KIF13A: variants seen among roughly 807,000 people sequenced by gnomAD.
The protein encoded by KIF13A is kinesin-like protein KIF13A.
A neutral mutation model predicts 212.2 loss-of-function variants in KIF13A; 79 were observed. The ratio of observed to expected loss-of-function variants is 0.37; its 90% CI spans 0.31 to 0.45. KIF13A has a LOEUF of 0.45. Ranked by LOEUF, KIF13A falls within the 20% of genes least tolerant of loss-of-function variation. The probability of loss-of-function intolerance (pLI) is 1.00; values close to 1 mark genes in which losing one functional copy is unlikely to be tolerated. For missense variants in KIF13A, 1,901 were observed against 2,209.0 expected, an observed-to-expected ratio of 0.86 and a Z score of 2.79; for synonymous variants, 789 against 808.6, an observed-to-expected ratio of 0.98 and a Z score of 0.41.
At position 17,828,912 on chromosome 6, in the gene KIF13A, A is replaced by G. The variant is rs1284860380; in HGVS notation, c.1402-542T>C. ...AATTTCTAATACTGATATTACATAC[A>G]GTATTAATGCCTGTGGGTCATACCA... On this transcript the variant is annotated intron_variant, in intron 13 of 38. Coordinates refer to ENST00000259711, the MANE Select transcript of KIF13A (RefSeq NM_022113.6). This position sits in a 1 kb window ranked among gnomAD's most constrained non-coding sequence, Gnocchi z 4.3. 2.0e-5 allele frequency among the ~76,000 whole-genome samples: 3 copies of G among 152,092 alleles called. No homozygotes were observed. Among genetic ancestry groups the G allele is most frequent in the Admixed American group, 6.5e-5 (1 of 15,268 alleles).
intron 2 of KIF13A, among the ~76,000 whole-genome samples, chr6:17,976,548 C>T (rs1254724465): frequency 6.6e-6 from 1 of 152,182 alleles, no homozygotes; most frequent in African/African-American, 2.4e-5. Flanking sequence ...CGCGCAGCCC[C>T]GGTTCCCGCT....
chr6:17,962,456 A>G (rs1367394191), intron 2 of KIF13A, among the ~76,000 whole-genome samples: 1 of 152,168 alleles, frequency 6.6e-6, no homozygotes, highest in Admixed American at 6.5e-5. Context: ...CGAGGAGAAA[A>G]TTTGTGCAGG....
At chr6:17,956,290 T>C (rs1186558154) in intron 2 of KIF13A, among the ~76,000 whole-genome samples, 1 of 152,208 alleles carries the variant, frequency 6.6e-6, no homozygotes, top group Admixed American at 6.5e-5. Flanking sequence ...CTTTAACTAC[T>C]GCTCTGTTAT....
chr6:17,922,608 TAAAAA>T (rs11285603), intron 2 of KIF13A, among the ~76,000 whole-genome samples: 2 of 145,224 alleles, frequency 1.4e-5, no homozygotes, highest in Admixed American at 6.9e-5. Context: ...ATGAAAAACT[TAAAAA>T]AAAAAAAAAA....
At chr6:17,893,586 C>T (rs1772261755) in intron 3 of KIF13A, among the ~76,000 whole-genome samples, 1 of 151,996 alleles carries the variant, frequency 6.6e-6, no homozygotes, top group African/African-American at 2.4e-5. Flanking sequence ...TCTTTTCTTG[C>T]TTAACTGCAC....
chr6:17,889,256 A>C (rs982588721), intron 3 of KIF13A, among the ~76,000 whole-genome samples: 4 of 152,248 alleles, frequency 2.6e-5, no homozygotes, highest in African/African-American at 9.6e-5. Context: ...CAAATGACTC[A>C]GTTTCAAAAA....
At chr6:17,775,961 A>C (rs1483382483) in intron 34 of KIF13A, among the ~76,000 whole-genome samples, 1 of 151,954 alleles carries the variant, frequency 6.6e-6, no homozygotes, top group Non-Finnish European at 1.5e-5. Flanking sequence ...GGCGCACCGC[A>C]ATCTCCTCCT....
At chr6:17,903,064 A>ATATT (rs1773185461) in intron 2 of KIF13A, among the ~76,000 whole-genome samples, 1 of 152,254 alleles carries the variant, frequency 6.6e-6, no homozygotes, top group East Asian at 1.9e-4. Context: ...ATTTCTGATA[A>ATATT]CTTACTTAAA....
chr6:17,947,276 A>G lies in KIF13A; in HGVS notation c.146+39778T>C, dbSNP rs1777486165. Among the ~76,000 whole-genome samples the G allele has an allele frequency of 6.6e-6, 1 of 152,114 alleles. No individual in the cohort carries two copies. Among genetic ancestry groups the G allele is most frequent in the Non-Finnish European group, 1.5e-5 (1 of 68,024 alleles). On this transcript the variant is annotated intron_variant, in intron 2 of 38. Coordinates refer to ENST00000259711, the MANE Select transcript of KIF13A (RefSeq NM_022113.6). The surrounding 1 kb of genome is among the most constrained non-coding windows in gnomAD (Gnocchi z 4.6). ...TTGGGTGGTGATACAAGGTACTTAC[A>G]TTTTTTTCTTAACTGTTGAAACCAA...
In KIF13A at chr6:17,811,741, T is replaced by C. The variant is rs1763438143; in HGVS notation, c.2001-2811A>G. 6.6e-6 allele frequency among the ~76,000 whole-genome samples: 1 copy of C among 152,214 alleles called. No homozygotes were observed. The highest frequency in any genetic ancestry group is 1.5e-5 in the Non-Finnish European group (1 of 68,036). On this transcript the variant is annotated intron_variant, in intron 17 of 38. Transcript: ENST00000259711. This position sits in a 1 kb window ranked among gnomAD's most constrained non-coding sequence, Gnocchi z 6.0. ...TTTTATCCAGTGAAACCTGACAAAA[T>C]CAATAATGCAACTATTCTTGTCTTT...
chr6:17,926,683 C>T lies in KIF13A; in HGVS notation c.147-28503G>A, dbSNP rs574708989. Among the ~76,000 whole-genome samples, 4 of 152,104 alleles carry T rather than the reference C, an allele frequency of 2.6e-5. No individual in the cohort carries two copies. The South Asian group carries it at 6.2e-4, about 24-fold the overall frequency. On this transcript the variant is annotated intron_variant, in intron 2 of 38. Transcript: ENST00000259711. This position sits in a 1 kb window ranked among gnomAD's most constrained non-coding sequence, Gnocchi z 4.3. Reference sequence around the variant, plus strand: ...AGAAGGAGACTGAAATTTTCTTTGACGTAAAAATTACTTATAATCTCAGAG... The same window carrying T: ...AGAAGGAGACTGAAATTTTCTTTGATGTAAAAATTACTTATAATCTCAGAG...
intron 2 of KIF13A, among the ~76,000 whole-genome samples, chr6:17,910,185 T>C (rs924681160): frequency 1.3e-5 from 2 of 152,206 alleles, no homozygotes; most frequent in Non-Finnish European, 1.5e-5. Context: ...TATTTAAAAA[T>C]AGATCCAACA....
chr6:17,968,627 G>C lies in KIF13A; in HGVS notation c.146+18427C>G, dbSNP rs2150602830. ...GTTGTGCAGTGAACATTAAAAATGT[G>C]AACTTTGTCAAAGACTGGTGACCTC... On this transcript the variant is annotated intron_variant, in intron 2 of 38. Transcript: ENST00000259711. The surrounding 1 kb of genome is among the most constrained non-coding windows in gnomAD (Gnocchi z 4.7). 6.6e-6 allele frequency among the ~76,000 whole-genome samples: 1 copy of C among 152,308 alleles called. No homozygotes were observed. Among genetic ancestry groups the C allele is most frequent in the East Asian group, 1.9e-4 (1 of 5,178 alleles).
Position 17,794,809 on chromosome 6 carries a change from G to T in KIF13A, c.2943-105C>A. ...GAGCACTTACTATGTGCTAGGCACT[G>T]TGCCATTTATCTTGTATAAGTTACT... On this transcript the variant is annotated intron_variant, in intron 23 of 38. Transcript: ENST00000259711. This position sits in a 1 kb window ranked among gnomAD's most constrained non-coding sequence, Gnocchi z 4.1. 8.5e-7 allele frequency: 1 copy of T among 1,179,582 alleles called. No homozygotes were observed. The highest frequency in any genetic ancestry group is 1.2e-6 in the Non-Finnish European group (1 of 849,288). 73.1% of individuals were successfully genotyped at this position (1,179,582 alleles called of 1,614,324 possible). A position where few individuals can be genotyped will look rare whatever the true frequency, so the allele number is the denominator to read the frequency against.
intron 2 of KIF13A, among the ~76,000 whole-genome samples, chr6:17,959,497 A>G (rs915509375): frequency 6.6e-6 from 1 of 152,256 alleles, no homozygotes; most frequent in African/African-American, 2.4e-5. Context: ...AGGGTTGGAA[A>G]GCAGCAGAGG....
rs1771727453 is a variant in KIF13A at position 17,888,215 on chromosome 6, T to C, written c.159+9953A>G. 6.6e-6 allele frequency among the ~76,000 whole-genome samples: 1 copy of C among 152,194 alleles called. No homozygotes were observed. The highest frequency in any genetic ancestry group is 6.5e-5 in the Admixed American group (1 of 15,284). On this transcript the variant is annotated intron_variant, in intron 3 of 38. Coordinates refer to ENST00000259711, the MANE Select transcript of KIF13A (RefSeq NM_022113.6). This position sits in a 1 kb window ranked among gnomAD's most constrained non-coding sequence, Gnocchi z 4.8. ...CTAATCTTCCTTATCATGTTATGAATTCTAGAAAACAAAAACTACTAGTTT... is the reference window on the plus strand; with the variant it reads ...CTAATCTTCCTTATCATGTTATGAACTCTAGAAAACAAAAACTACTAGTTT...
intron 18 of KIF13A, 108 bp from the exon 19 acceptor site, chr6:17,805,723 C>A: frequency 1.0e-6 from 1 of 953,974 alleles, no homozygotes. Context: ...CACATAAATG[C>A]ATACAAAAGA....
chr6:17,985,647 A>AGGGGGG (rs1781494079), intron 2 of KIF13A, among the ~76,000 whole-genome samples: 1 of 55,230 alleles, frequency 1.8e-5, no homozygotes, highest in African/African-American at 8.7e-5. Context: ...GGGTGGGGGG[A>AGGGGGG]GGGGACATTC....
chr6:17,901,458 T>C (rs1206381971), intron 2 of KIF13A, among the ~76,000 whole-genome samples: 1 of 152,188 alleles, frequency 6.6e-6, no homozygotes. Context: ...CCTGGGTTTC[T>C]ACATAAACAA....
Sources: allele counts gnomAD v4.1 joint callset (sites outside exome capture counted in the v4.1 genomes callset), GRCh38; gene constraint gnomAD v4.1.1; non-coding constraint Gnocchi (gnomAD v3.1); transcripts MANE v1.5; gene names NCBI Gene and HGNC (gene_info 2026-07-23, HGNC 2026-07-21).